The following CFAP73 variants were observed in gnomAD, a reference collection of about 807,000 sequenced individuals.
CFAP73 encodes the protein cilia- and flagella-associated protein 73.
CFAP73 carries 33 observed loss-of-function variants against 42.9 expected under a neutral mutation model. The observed-to-expected ratio is 0.77, with a 90% CI of 0.58 to 1.03. The LOEUF is 1.03. CFAP73 is among the 50% of genes least tolerant of loss of function. The probability of loss-of-function intolerance (pLI) is 0.00; values close to 1 mark genes in which losing one functional copy is unlikely to be tolerated. For synonymous variants in CFAP73, 162 were observed against 186.8 expected (o/e 0.87, Z 1.08); for missense variants, 392 against 411.9 (o/e 0.95, Z 0.42).
rs757131912 is a variant in CFAP73 at position 113,154,014 on chromosome 12, G to C, written c.469-400G>C. Among the ~76,000 whole-genome samples, 2 of 152,134 alleles carry C rather than the reference G, an allele frequency of 1.3e-5. No individual in the cohort carries two copies. The highest frequency in any genetic ancestry group is 2.9e-5 in the Non-Finnish European group (2 of 68,020). ...CAGAAAGCTAACTCTGGCCGGGCGCGGTGGCTCACGCCTGTAATCCCAACA... is the reference window on the plus strand; with the variant it reads ...CAGAAAGCTAACTCTGGCCGGGCGCCGTGGCTCACGCCTGTAATCCCAACA... On this transcript the variant is annotated intron_variant, in intron 4 of 7. Coordinates refer to ENST00000335621, the MANE Select transcript of CFAP73 (RefSeq NM_001144872.3). This position sits in a 1 kb window ranked among gnomAD's most constrained non-coding sequence, Gnocchi z 4.7.
chr12:113,155,478 G>A, intron 6 of CFAP73, 60 bp downstream of exon 6: 2 of 1,477,668 alleles, frequency 1.4e-6, no homozygotes, highest in Non-Finnish European at 9.1e-7. Context: ...GGAAAAATGA[G>A]CCTAAAACCC....
In CFAP73 at chr12:113,155,413, G is replaced by C. The variant is rs1026141733; in HGVS notation, c.844G>C (p.Glu282Gln). ...LDIEDTEGQL[E>Q]HVKLFMQDLS... ...CATCGAGGACACGGAGGGACAGCTA[G>C]AGCACGTGAGGACCCCTCTTTATGG... Residue 282 changes from glutamate (E) to glutamine (Q), a missense_variant, in exon 6 of 8, where the codon GAG (glutamate) becomes CAG (glutamine). Transcript: ENST00000335621. 8.4e-6 allele frequency: 13 copies of C among 1,548,728 alleles called. No individual in the cohort carries two copies. In the Middle Eastern group the frequency reaches 6.7e-4, roughly 80 times the overall value.
Position 113,154,314 on chromosome 12 carries a change from A to G in CFAP73, c.469-100A>G, listed in dbSNP as rs1053940881. 7.3e-7 allele frequency: 1 copy of G among 1,375,042 alleles called. No individual in the cohort carries two copies. The highest frequency in any genetic ancestry group is 1.5e-5 in the African/African-American group (1 of 67,698). The allele number at this position is 1,375,042 out of a possible 1,614,324, so 85.2% of individuals were successfully genotyped here. ...GGTTGACATTTAAGTCACTTTCCAG[A>G]AAGATTATTCCAATAATAAGGAACG... On this transcript the variant is annotated intron_variant, in intron 4 of 7. Coordinates refer to ENST00000335621, the MANE Select transcript of CFAP73 (RefSeq NM_001144872.3). The surrounding 1 kb of genome is among the most constrained non-coding windows in gnomAD (Gnocchi z 4.7).
rs1416937374 is a variant in CFAP73 at position 113,154,466 on chromosome 12, A to T, written c.521A>T (p.Gln174Leu). 5 of 1,545,962 alleles carry T rather than the reference A, an allele frequency of 3.2e-6. No individual in the cohort carries two copies. Among genetic ancestry groups the T allele is most frequent in the Admixed American group, 2.0e-5 (1 of 50,784 alleles). ...VARFDGLAET[Q>L]AALRLREREQ... ...CGCTTCGACGGCCTGGCCGAGACGC[A>T]GGCGGCGCTGAGGCTCAGGGAGCGC... The change falls in exon 5 of 8, where the codon CAG becomes CTG. Residue 174 changes from glutamine (Q) to leucine (L), a missense_variant. Physicochemically the swap from Gln to Leu is moderately radical, Grantham distance 113. Coordinates refer to ENST00000335621, the MANE Select transcript of CFAP73 (RefSeq NM_001144872.3). This position sits in a 1 kb window ranked among gnomAD's most constrained non-coding sequence, Gnocchi z 4.7.
intron 6 of CFAP73, among the ~76,000 whole-genome samples, 153 bp downstream of exon 6, chr12:113,155,571 C>T (rs1460586715): frequency 6.6e-6 from 1 of 152,150 alleles, no homozygotes; most frequent in Non-Finnish European, 1.5e-5. Flanking sequence ...GATTGTCGGG[C>T]AGGCACCCGG....
intron 1 of CFAP73, among the ~76,000 whole-genome samples, chr12:113,151,380 G>A (rs1952059757): frequency 6.6e-6 from 1 of 152,188 alleles, no homozygotes; most frequent in African/African-American, 2.4e-5. Flanking sequence ...TACTTGGGAG[G>A]CTGAGGCAGG....
chr12:113,159,215 C>T lies in CFAP73; in HGVS notation c.*526C>T, dbSNP rs759504237. ...CCCCTGCCCCTACTCCTGTTCTGTG[C>T]TTATTGCTGTGGCCCAGTGTCTGTA... On this transcript the variant is annotated 3_prime_UTR_variant, in exon 8 of 8. Transcript: ENST00000335621. The T allele has an allele frequency of 1.6e-6, 2 of 1,254,566 alleles. No individual in the cohort carries two copies. Among genetic ancestry groups the T allele is most frequent in the Non-Finnish European group, 2.2e-6 (2 of 919,034 alleles). 77.7% of individuals were successfully genotyped at this position (1,254,566 alleles called of 1,614,324 possible). A position where few individuals can be genotyped will look rare whatever the true frequency, so the allele number is the denominator to read the frequency against.
At chr12:113,151,823 G>A in intron 1 of CFAP73, 95 bp from the exon 2 acceptor site, 1 of 707,878 alleles carries the variant, frequency 1.4e-6, no homozygotes, top group Non-Finnish European at 2.3e-6. Flanking sequence ...TAAACAGCCA[G>A]CAGGTGGCTA....
chr12:113,153,242 G>A lies in CFAP73; in HGVS notation c.302G>A (p.Arg101Lys). The A allele has an allele frequency of 3.3e-6, 5 of 1,520,576 alleles. No homozygotes were observed. Among genetic ancestry groups the A allele is most frequent in the Non-Finnish European group, 4.4e-6 (5 of 1,140,234 alleles). The allele number at this position is 1,520,576 out of a possible 1,614,324, so 94.2% of individuals were successfully genotyped here. The part of the protein sequence containing the change: ...SEARRNRALR[R>K]AAEERHQAGR... Reference sequence around the variant, plus strand: ...GCCCGGCGCAATCGCGCGCTGCGGAGGGCGGCGGAGGAGAGGCACCAGGCG... The same window carrying A: ...GCCCGGCGCAATCGCGCGCTGCGGAAGGCGGCGGAGGAGAGGCACCAGGCG... Residue 101 changes from arginine to lysine, a missense_variant, in exon 4 of 8, where the codon AGG becomes AAG. Physicochemically the swap from Arg to Lys is conservative, Grantham distance 26. Coordinates refer to ENST00000335621, the MANE Select transcript of CFAP73 (RefSeq NM_001144872.3).
In CFAP73 at chr12:113,152,766, C is replaced by T. The variant is rs925855493; in HGVS notation, c.163-17C>T. 1.3e-6 allele frequency: 2 copies of T among 1,543,508 alleles called. No homozygotes were observed. Among genetic ancestry groups the T allele is most frequent in the Non-Finnish European group, 1.8e-6 (2 of 1,139,620 alleles). On this transcript the variant is annotated splice_polypyrimidine_tract_variant and intron_variant, in intron 2 of 7. Transcript: ENST00000335621. ...GGACCCCCGAACCCACACAGACAACCCACTCCTCACCCCCAGGTGTTCCGC... is the reference window on the plus strand; with the variant it reads ...GGACCCCCGAACCCACACAGACAACTCACTCCTCACCCCCAGGTGTTCCGC...
At position 113,158,394 on chromosome 12, in the gene CFAP73, C is replaced by G. The variant is rs1438594711; in HGVS notation, c.*12-307C>G. 1 of 154,554 alleles carries G rather than the reference C, an allele frequency of 6.5e-6. No homozygotes were observed. Among genetic ancestry groups the G allele is most frequent in the African/African-American group, 2.4e-5 (1 of 41,536 alleles). The allele number at this position is 154,554 out of a possible 1,614,324, so 9.6% of individuals were successfully genotyped here. ...AATGGACAAGGCAGCAGAACTCACCCTCAGGAGACCCGCAACTCCTCTGCC... is the reference window on the plus strand; with the variant it reads ...AATGGACAAGGCAGCAGAACTCACCGTCAGGAGACCCGCAACTCCTCTGCC... On this transcript the variant is annotated intron_variant, in intron 7 of 7. Coordinates refer to ENST00000335621, the MANE Select transcript of CFAP73 (RefSeq NM_001144872.3). The surrounding 1 kb of genome is among the most constrained non-coding windows in gnomAD (Gnocchi z 4.9).
rs2136310208 is a variant in CFAP73 at position 113,158,361 on chromosome 12, C to T, written c.*12-340C>T. 1 of 153,720 alleles carries T rather than the reference C, an allele frequency of 6.5e-6. No individual in the cohort carries two copies. Among genetic ancestry groups the T allele is most frequent in the East Asian group, 1.9e-4 (1 of 5,204 alleles). The allele number at this position is 153,720 out of a possible 1,614,324, so 9.5% of individuals were successfully genotyped here. ...TTTGTGCTCTGAGCTTCACTTTCCT[C>T]ATCGCTAAATGGACAAGGCAGCAGA... is the stretch of plus-strand genomic sequence containing the variant. On this transcript the variant is annotated intron_variant, in intron 7 of 7. Transcript: ENST00000335621. This position sits in a 1 kb window ranked among gnomAD's most constrained non-coding sequence, Gnocchi z 4.9.
chr12:113,158,764 C>T lies in CFAP73; in HGVS notation c.*75C>T, dbSNP rs1404263797. ...TCCTTTTCACAGATGATGGCTCCTG[C>T]AGGGAGTGCCCCCAGTGCCCAGCAC... On this transcript the variant is annotated 3_prime_UTR_variant, in exon 8 of 8. Coordinates refer to ENST00000335621, the MANE Select transcript of CFAP73 (RefSeq NM_001144872.3). The surrounding 1 kb of genome is among the most constrained non-coding windows in gnomAD (Gnocchi z 4.9). 5.0e-6 allele frequency: 6 copies of T among 1,194,960 alleles called. No homozygotes were observed. The highest frequency in any genetic ancestry group is 2.5e-5 in the East Asian group (1 of 39,342). 74.0% of individuals were successfully genotyped at this position (1,194,960 alleles called of 1,614,324 possible).
intron 6 of CFAP73, 93 bp from the exon 7 acceptor site, chr12:113,157,509 C>T (rs746212525): frequency 4.2e-5 from 42 of 989,804 alleles, no homozygotes; most frequent in South Asian, 5.6e-5. Context: ...CTCCAGTCCC[C>T]GCCCTACCTT....
At position 113,158,813 on chromosome 12, in the gene CFAP73, C is replaced by T. The variant is rs1168349256; in HGVS notation, c.*124C>T. The T allele has an allele frequency of 7.5e-5, 113 of 1,499,554 alleles. No homozygotes were observed. Among genetic ancestry groups the T allele is most frequent in the Non-Finnish European group, 9.2e-5 (102 of 1,111,572 alleles). The allele number at this position is 1,499,554 out of a possible 1,614,324, so 92.9% of individuals were successfully genotyped here. A position where few individuals can be genotyped will look rare whatever the true frequency, so the allele number is the denominator to read the frequency against. The stretch of plus-strand genomic sequence containing the variant: ...ACAGGGCCAGGCACACAGTGGTGCA[C>T]GGGAACGTCTGCTGATGCCCACCCT... On this transcript the variant is annotated 3_prime_UTR_variant, in exon 8 of 8. Transcript: ENST00000335621. This position sits in a 1 kb window ranked among gnomAD's most constrained non-coding sequence, Gnocchi z 4.9.
rs768984396 is a variant in CFAP73 at position 113,157,682 on chromosome 12, C to T, written c.*3C>T. On this transcript the variant is annotated 3_prime_UTR_variant, in exon 7 of 8. Transcript: ENST00000335621. Reference sequence around the variant, plus strand: ...AGCCTGCAGCCCCTGCCTCCTAGCCCTGACACAGGTGAGCAGCGGGAGAGG... The same window carrying T: ...AGCCTGCAGCCCCTGCCTCCTAGCCTTGACACAGGTGAGCAGCGGGAGAGG... The T allele has an allele frequency of 3.4e-5, 53 of 1,551,232 alleles. 2 individuals are homozygous for T. The South Asian group carries it at 6.1e-4, about 18-fold the overall frequency.
Position 113,153,099 on chromosome 12 carries a change from G to C in CFAP73, c.268-109G>C, listed in dbSNP as rs545383099. 3 of 1,248,272 alleles carry C rather than the reference G, an allele frequency of 2.4e-6. No individual in the cohort carries two copies. The African/African-American group carries it at 4.6e-5, about 19-fold the overall frequency. The allele number at this position is 1,248,272 out of a possible 1,614,324, so 77.3% of individuals were successfully genotyped here. On this transcript the variant is annotated intron_variant, in intron 3 of 7. Coordinates refer to ENST00000335621, the MANE Select transcript of CFAP73 (RefSeq NM_001144872.3). The stretch of plus-strand genomic sequence containing the variant: ...AAGAGCCAGCTTCCGAGCCAGGCCT[G>C]CTGGCCGCCCCTGGTTTTGCGAGCG...
chr12:113,152,726 A>G, intron 2 of CFAP73, 57 bp from the exon 3 acceptor site: 1 of 1,253,742 alleles, frequency 8.0e-7, no homozygotes, highest in Admixed American at 2.0e-5. Flanking sequence ...TGAACCTGAC[A>G]GCATGGGAGG....
At chr12:113,156,406 C>T (rs898751898) in intron 6 of CFAP73, among the ~76,000 whole-genome samples, 3 of 151,616 alleles carry the variant, frequency 2.0e-5, no homozygotes, top group African/African-American at 7.3e-5. Flanking sequence ...GCCGGGAGCT[C>T]GGCTCTTAAG....
Sources: gnomAD v4.1 joint callset for allele counts (sites outside exome capture counted in the v4.1 genomes callset) on GRCh38, gnomAD v4.1.1 for gene constraint, Gnocchi (gnomAD v3.1) non-coding constraint, MANE v1.5 for transcripts, NCBI Gene and HGNC (gene_info 2026-07-23, HGNC 2026-07-21) for gene names.